MRC1: variants seen among roughly 807,000 people sequenced by gnomAD.
The protein encoded by MRC1 is mannose receptor C-type 1.
MRC1 carries 62 observed loss-of-function variants against 102.9 expected under a neutral mutation model. The observed-to-expected ratio is 0.60, with a 90% CI of 0.49 to 0.74. MRC1 has a LOEUF of 0.74. Among genes scored for constraint, MRC1 ranks in the 30% least tolerant of loss-of-function variants. The pLI, the probability that MRC1 is intolerant of heterozygous loss-of-function variation, is 0.00. For missense variants in MRC1, 1,237 were observed against 862.8 expected (o/e 1.43, Z -5.43); for synonymous variants, 457 against 298.4 (o/e 1.53, Z -5.48).
In MRC1 at chr10:17,875,222, G is replaced by C; in HGVS notation, c.2519G>C (p.Ser840Thr). The C allele has an allele frequency of 1.3e-6, 1 of 780,832 alleles. No homozygotes were observed. The highest frequency in any genetic ancestry group is 1.3e-5 in the South Asian group (1 of 74,614). The allele number at this position is 780,832 out of a possible 1,614,324, so 48.4% of individuals were successfully genotyped here. A position where few individuals can be genotyped will look rare whatever the true frequency, so the allele number is the denominator to read the frequency against. The stretch of plus-strand genomic sequence containing the variant: ...TTTGGTGATCTTGTTTCTATTCAAA[G>C]TGAAAGTGAAAAGAAGTTTCTATGG... Reference protein sequence around the residue: ...RNFGDLVSIQSESEKKFLWKY... With the variant: ...RNFGDLVSIQTESEKKFLWKY... Residue 840 changes from serine to threonine, a missense_variant, in exon 17 of 30, where the codon AGT (serine) becomes ACT (threonine). Coordinates refer to ENST00000569591, the MANE Select transcript of MRC1 (RefSeq NM_002438.4).
intron 1 of MRC1, among the ~76,000 whole-genome samples, chr10:17,822,782 A>G (rs1164981627): frequency 1.3e-5 from 2 of 152,132 alleles, no homozygotes; most frequent in Non-Finnish European, 2.9e-5. Flanking sequence ...TTGGGCATGT[A>G]AGGTGGGACT....
At position 17,827,722 on chromosome 10, in the gene MRC1, A is replaced by G. The variant is rs1589166573; in HGVS notation, c.637+7A>G. Reference sequence around the variant, plus strand: ...GGATATTGTCCATTGAAATGTAAGTACTGTTTATCACCAAGAAAAGTTGGG... The same window carrying G: ...GGATATTGTCCATTGAAATGTAAGTGCTGTTTATCACCAAGAAAAGTTGGG... On this transcript the variant is annotated splice_region_variant and intron_variant, in intron 3 of 29. Coordinates refer to ENST00000569591, the MANE Select transcript of MRC1 (RefSeq NM_002438.4). 1 of 780,812 alleles carries G rather than the reference A, an allele frequency of 1.3e-6. No individual in the cohort carries two copies. 48.4% of individuals were successfully genotyped at this position (780,812 alleles called of 1,614,324 possible). A position where few individuals can be genotyped will look rare whatever the true frequency, so the allele number is the denominator to read the frequency against.
At chr10:17,856,587 A>G (rs976709924) in intron 9 of MRC1, among the ~76,000 whole-genome samples, 1 of 152,078 alleles carries the variant, frequency 6.6e-6, no homozygotes, top group Non-Finnish European at 1.5e-5. Flanking sequence ...TCAGAATGTC[A>G]TGGGAATTGG....
At chr10:17,888,376 A>T (rs1409428686) in intron 22 of MRC1, among the ~76,000 whole-genome samples, 2 of 152,142 alleles carry the variant, frequency 1.3e-5, no homozygotes, top group Non-Finnish European at 1.5e-5. Flanking sequence ...GGTTGACAAG[A>T]TGTCTGTGGC....
intron 5 of MRC1, among the ~76,000 whole-genome samples, chr10:17,841,161 T>C (rs1838743605): frequency 6.6e-6 from 1 of 152,270 alleles, no homozygotes; most frequent in Non-Finnish European, 1.5e-5. Flanking sequence ...CTTGCATTGT[T>C]ACTATATACT....
At chr10:17,871,951 T>TA (rs1197453474) in intron 14 of MRC1, 31 bp from the exon 15 acceptor site, 41 of 778,634 alleles carry the variant, frequency 5.3e-5, no homozygotes, top group African/African-American at 4.9e-4. Context: ...TACAAATGGT[T>TA]AATGGTTGTA....
At chr10:17,845,529 A>G (rs1589174972) in intron 6 of MRC1, 94 bp downstream of exon 6, 1 of 762,248 alleles carries the variant, frequency 1.3e-6, no homozygotes, top group African/African-American at 1.7e-5. Flanking sequence ...ATGCCGCCAG[A>G]GGTTTTGTGG....
intron 22 of MRC1, among the ~76,000 whole-genome samples, chr10:17,891,795 A>G (rs1159203006): frequency 2.0e-5 from 3 of 152,138 alleles, no homozygotes; most frequent in African/African-American, 7.2e-5. Flanking sequence ...GGGTTCTCCT[A>G]AAGACTTCTG....
intron 28 of MRC1, 112 bp downstream of exon 28, chr10:17,907,810 C>G (rs1294580431): frequency 1.4e-6 from 1 of 726,542 alleles, no homozygotes; most frequent in Admixed American, 1.9e-5. Context: ...GAAGCTCTGT[C>G]CTTTCATCCG....
chr10:17,815,322 A>G (rs2130575163), intron 1 of MRC1, among the ~76,000 whole-genome samples: 1 of 152,344 alleles, frequency 6.6e-6, no homozygotes, highest in Middle Eastern at 3.4e-3. Flanking sequence ...TTGACATGAT[A>G]CATACATAAG....
intron 2 of MRC1, among the ~76,000 whole-genome samples, chr10:17,827,005 T>A (rs1346374802): frequency 2.0e-5 from 3 of 152,078 alleles, no homozygotes; most frequent in Non-Finnish European, 2.9e-5. Flanking sequence ...GCTTTAAGGT[T>A]TTTTTTAATC....
At position 17,840,670 on chromosome 10, in the gene MRC1, TTTTGC is replaced by T; in HGVS notation, c.803-19_803-15del. The T allele has an allele frequency of 1.3e-6, 1 of 780,142 alleles. No homozygotes were observed. Among genetic ancestry groups the T allele is most frequent in the East Asian group, 2.4e-5 (1 of 41,248 alleles). The allele number at this position is 780,142 out of a possible 1,614,324, so 48.3% of individuals were successfully genotyped here. A position where few individuals can be genotyped will look rare whatever the true frequency, so the allele number is the denominator to read the frequency against. On this transcript the variant is annotated intron_variant, in intron 4 of 29. Coordinates refer to ENST00000569591, the MANE Select transcript of MRC1 (RefSeq NM_002438.4). ...TGAATGCCAAGTTCTTGTTTGTTTG[TTTTGC>T]TTTCTTTAAAAATATAGGATTAACC...
At chr10:17,839,927 G>T (rs925970725) in intron 4 of MRC1, among the ~76,000 whole-genome samples, 5 of 151,702 alleles carry the variant, frequency 3.3e-5, no homozygotes, top group African/African-American at 4.8e-5. Context: ...TTAGCCAGGC[G>T]TGGTGGCGGT....
In MRC1 at chr10:17,871,967, A is replaced by G; in HGVS notation, c.2200-15A>G. 1.3e-6 allele frequency: 1 copy of G among 780,002 alleles called. No individual in the cohort carries two copies. The highest frequency in any genetic ancestry group is 2.4e-6 in the Non-Finnish European group (1 of 417,562). 48.3% of individuals were successfully genotyped at this position (780,002 alleles called of 1,614,324 possible). The stretch of plus-strand genomic sequence containing the variant: ...ACAAATGGTTAATGGTTGTAGTTTA[A>G]TGTTTCTAATATAGGTTTCATATGA... On this transcript the variant is annotated splice_polypyrimidine_tract_variant and intron_variant, in intron 14 of 29. Coordinates refer to ENST00000569591, the MANE Select transcript of MRC1 (RefSeq NM_002438.4).
chr10:17,825,479 G>A (rs1019303428), intron 2 of MRC1, among the ~76,000 whole-genome samples: 1 of 152,110 alleles, frequency 6.6e-6, no homozygotes, highest in South Asian at 2.1e-4. Context: ...GGTGGCTCAC[G>A]CCTGTAATCC....
chr10:17,881,666 T>G (rs1833519175), intron 21 of MRC1, among the ~76,000 whole-genome samples: 2 of 121,954 alleles, frequency 1.6e-5, no homozygotes, highest in African/African-American at 6.7e-5. Flanking sequence ...TTGAACAAAT[T>G]TTGATTTTTT....
At chr10:17,838,834 G>C (rs1265039588) in intron 4 of MRC1, among the ~76,000 whole-genome samples, 1 of 152,042 alleles carries the variant, frequency 6.6e-6, no homozygotes, top group Non-Finnish European at 1.5e-5. Flanking sequence ...GGTTTGAGTT[G>C]GTGTCTGGAA....
In MRC1 at chr10:17,872,030, G is replaced by A. The variant is rs1430905182; in HGVS notation, c.2248G>A (p.Val750Ile). 3.8e-6 allele frequency: 3 copies of A among 780,586 alleles called. No homozygotes were observed. In the African/African-American group the frequency reaches 5.1e-5, roughly 13 times the overall value. 48.4% of individuals were successfully genotyped at this position (780,586 alleles called of 1,614,324 possible). ...AYGEPNNYQNVEYCGELKGDP... is the reference protein window; with the variant it reads ...AYGEPNNYQNIEYCGELKGDP... The stretch of plus-strand genomic sequence containing the variant: ...TGGAGAACCTAATAATTATCAAAAT[G>A]TTGAATACTGTGGTGAGCTGAAAGG... The change falls in exon 15 of 30, where the codon GTT (valine) becomes ATT (isoleucine). Residue 750 changes from valine (V) to isoleucine (I), a missense_variant. By Grantham distance (29) the Val-to-Ile change is conservative. Transcript: ENST00000569591.
intron 22 of MRC1, among the ~76,000 whole-genome samples, chr10:17,892,014 G>C (rs1466328497): frequency 4.6e-5 from 7 of 152,178 alleles, no homozygotes; most frequent in African/African-American, 9.7e-5. Context: ...AGACAGGAAA[G>C]CTAGAGAGGC....
Sources: gnomAD v4.1 joint callset for allele counts (sites outside exome capture counted in the v4.1 genomes callset) on GRCh38, gnomAD v4.1.1 for gene constraint, MANE v1.5 for transcripts, NCBI Gene and HGNC (gene_info 2026-07-23, HGNC 2026-07-21) for gene names.